SORCS2: variants seen among roughly 807,000 people sequenced by gnomAD.
SORCS2 encodes the protein VPS10 domain-containing receptor SorCS2.
Under a neutral mutation model 141.6 loss-of-function variants are expected in SORCS2, and 100 were observed. The observed-to-expected ratio is 0.71, with a 90% CI of 0.60 to 0.83. SORCS2 has a LOEUF of 0.83. SORCS2 is among the 40% of genes least tolerant of loss of function. The pLI, the probability that SORCS2 is intolerant of heterozygous loss-of-function variation, is 0.00. For synonymous variants in SORCS2, 789 were observed against 676.9 expected, an observed-to-expected ratio of 1.17 and a Z score of -2.57; for missense variants, 1,646 against 1,560.2, an observed-to-expected ratio of 1.05 and a Z score of -0.93.
intron 15 of SORCS2, among the ~76,000 whole-genome samples, chr4:7,713,142 G>T (rs1400096331): frequency 6.6e-6 from 1 of 152,102 alleles, no homozygotes; most frequent in Non-Finnish European, 1.5e-5. Flanking sequence ...TATGCTTGGG[G>T]TTCAGGATGT....
chr4:7,228,813 A>G (rs1185508513), intron 1 of SORCS2, among the ~76,000 whole-genome samples: 2 of 152,214 alleles, frequency 1.3e-5, no homozygotes, highest in African/African-American at 2.4e-5. Flanking sequence ...CCTTCAGTCC[A>G]TGCGACCAGG....
chr4:7,352,173 T>A (rs1386404882), intron 1 of SORCS2, among the ~76,000 whole-genome samples: 2 of 152,206 alleles, frequency 1.3e-5, no homozygotes, highest in Non-Finnish European at 2.9e-5. Context: ...TCCCTCTAAA[T>A]TGTGAAGTGT....
chr4:7,317,883 T>C (rs1193938669), intron 1 of SORCS2, among the ~76,000 whole-genome samples: 3 of 152,176 alleles, frequency 2.0e-5, no homozygotes, highest in South Asian at 4.2e-4. Flanking sequence ...GGAAGGCCCA[T>C]TGAACGCTGA....
At chr4:7,513,700 G>A (rs77287733) in intron 2 of SORCS2, among the ~76,000 whole-genome samples, 2,409 of 152,298 alleles carry the variant, frequency 0.016, 72 homozygotes, top group African/African-American at 0.055. Context: ...CCTCAGATCT[G>A]TGGCTGGAAC....
chr4:7,217,366 C>G (rs1728424392), intron 1 of SORCS2, among the ~76,000 whole-genome samples: 1 of 152,192 alleles, frequency 6.6e-6, no homozygotes, highest in Admixed American at 6.5e-5. Context: ...TGAGTGGACA[C>G]TGAGCTGCAG....
At chr4:7,573,435 G>T (rs574098022) in intron 3 of SORCS2, among the ~76,000 whole-genome samples, 44 of 152,304 alleles carry the variant, frequency 2.9e-4, no homozygotes, top group African/African-American at 9.6e-4. Context: ...AAAGGCAAAG[G>T]TTTCCTTATT....
chr4:7,304,098 A>T (rs1717625959), intron 1 of SORCS2, among the ~76,000 whole-genome samples: 1 of 152,252 alleles, frequency 6.6e-6, no homozygotes, highest in Non-Finnish European at 1.5e-5. Context: ...ATACTTGTTG[A>T]CGCCTATATG....
chr4:7,422,027 C>T (rs376845944), intron 2 of SORCS2, among the ~76,000 whole-genome samples: 37 of 152,278 alleles, frequency 2.4e-4, no homozygotes, highest in African/African-American at 8.4e-4. Context: ...TGAACCACAC[C>T]GGTGCAGTCC....
intron 3 of SORCS2, among the ~76,000 whole-genome samples, chr4:7,553,410 A>C (rs932445586): frequency 1.3e-5 from 2 of 152,264 alleles, no homozygotes; most frequent in African/African-American, 4.8e-5. Context: ...CTGAATTTCA[A>C]AATGATAAAA....
intron 14 of SORCS2, among the ~76,000 whole-genome samples, chr4:7,707,530 C>T (rs941293292): frequency 3.3e-5 from 5 of 152,220 alleles, no homozygotes; most frequent in African/African-American, 1.2e-4. Flanking sequence ...TTCCTGCCGC[C>T]TTCAATTCAG....
chr4:7,366,385 G>C (rs925426585), intron 1 of SORCS2, among the ~76,000 whole-genome samples: 1 of 151,892 alleles, frequency 6.6e-6, no homozygotes, highest in Non-Finnish European at 1.5e-5. Context: ...GGCAGCCTGC[G>C]GGGGGATCCT....
chr4:7,664,234 C>A lies in SORCS2; in HGVS notation c.953-119C>A. On this transcript the variant is annotated intron_variant, in intron 6 of 26. Transcript: ENST00000507866. This position sits in a 1 kb window ranked among gnomAD's most constrained non-coding sequence, Gnocchi z 4.7. Reference sequence around the variant, plus strand: ...TGTCATCACGGTGGCCTTTAGAATTCAAGCCCATGAAGCCACACCACAGCG... The same window carrying A: ...TGTCATCACGGTGGCCTTTAGAATTAAAGCCCATGAAGCCACACCACAGCG... 1.3e-6 allele frequency: 1 copy of A among 762,854 alleles called. No homozygotes were observed. The highest frequency in any genetic ancestry group is 1.9e-5 in the South Asian group (1 of 53,332). 47.3% of individuals were successfully genotyped at this position (762,854 alleles called of 1,614,324 possible).
chr4:7,715,200 GCTC>G lies in SORCS2; in HGVS notation c.2151_2153del (p.Ser718del). ...CCTCCCAGCGACTACGGATTTGAGC[GCTC>G]CTCCTCCTCAGAGTCCAGCACCAAC... On this transcript the variant is annotated inframe_deletion, in exon 17 of 27. Coordinates refer to ENST00000507866, the MANE Select transcript of SORCS2 (RefSeq NM_020777.3). The G allele has an allele frequency of 6.2e-7, 1 of 1,613,816 alleles. No homozygotes were observed. The highest frequency in any genetic ancestry group is 8.5e-7 in the Non-Finnish European group (1 of 1,179,826).
intron 1 of SORCS2, among the ~76,000 whole-genome samples, chr4:7,342,429 T>G (rs1232692050): frequency 3.3e-5 from 5 of 152,224 alleles, no homozygotes; most frequent in Non-Finnish European, 5.9e-5. Flanking sequence ...CATTTAGCCT[T>G]GCAGATTCCA....
intron 2 of SORCS2, among the ~76,000 whole-genome samples, chr4:7,463,372 T>C (rs963073947): frequency 4.6e-5 from 7 of 152,114 alleles, no homozygotes; most frequent in Non-Finnish European, 1.0e-4. Context: ...TTATTTGACT[T>C]CCCTGAAGCT....
intron 2 of SORCS2, among the ~76,000 whole-genome samples, chr4:7,398,814 TA>T (rs1724385174): frequency 6.6e-6 from 1 of 152,218 alleles, no homozygotes; most frequent in African/African-American, 2.4e-5. Context: ...GATGCTGCCA[TA>T]AAAAATTTAA....
chr4:7,250,999 T>A (rs1713474078), intron 1 of SORCS2, among the ~76,000 whole-genome samples: 1 of 152,256 alleles, frequency 6.6e-6, no homozygotes, highest in Non-Finnish European at 1.5e-5. Context: ...GGTAGAATTC[T>A]TGTCCCTGTC....
At chr4:7,387,926 A>T (rs1723554093) in intron 1 of SORCS2, among the ~76,000 whole-genome samples, 1 of 71,928 alleles carries the variant, frequency 1.4e-5, no homozygotes, top group Non-Finnish European at 2.7e-5. Context: ...ACACACCCAC[A>T]TGCACACACC....
Position 7,644,597 on chromosome 4 carries a change from C to T in SORCS2, c.813+6105C>T, listed in dbSNP as rs1038142625. Among the ~76,000 whole-genome samples, 11 of 152,240 alleles carry T rather than the reference C, an allele frequency of 7.2e-5. No homozygotes were observed. The South Asian group carries it at 2.3e-3, about 32-fold the overall frequency. Reference sequence around the variant, plus strand: ...GGCACCCTGGAGTGAGGGATGAAAGCATGTTGAGTGCCACCAATCACATCC... The same window carrying T: ...GGCACCCTGGAGTGAGGGATGAAAGTATGTTGAGTGCCACCAATCACATCC... On this transcript the variant is annotated intron_variant, in intron 4 of 26. Coordinates refer to ENST00000507866, the MANE Select transcript of SORCS2 (RefSeq NM_020777.3).
Sources: allele counts gnomAD v4.1 joint callset (sites outside exome capture counted in the v4.1 genomes callset), GRCh38; gene constraint gnomAD v4.1.1; non-coding constraint Gnocchi (gnomAD v3.1); transcripts MANE v1.5; gene names NCBI Gene and HGNC (gene_info 2026-07-23, HGNC 2026-07-21).